The following TNR variants were observed in gnomAD, a reference collection of about 807,000 sequenced individuals.
TNR encodes tenascin-R.
TNR carries 45 observed loss-of-function variants against 150.4 expected under a neutral mutation model. The ratio of observed to expected loss-of-function variants is 0.30; its 90% confidence interval spans 0.24 to 0.38. The LOEUF (loss-of-function observed/expected upper bound fraction) is 0.38, where lower values mean the gene tolerates loss of function less well. TNR is among the 10% of genes least tolerant of loss of function. The pLI, the probability that TNR is intolerant of heterozygous loss-of-function variation, is 1.00. For missense variants in TNR, 1,544 were observed against 1,759.1 expected (o/e 0.88, Z 2.19); for synonymous variants, 687 against 678.4 (o/e 1.01, Z -0.20).
intron 1 of TNR, among the ~76,000 whole-genome samples, chr1:175,546,684 TGA>T (rs1018953012): frequency 6.6e-6 from 1 of 152,152 alleles, no homozygotes; most frequent in African/African-American, 2.4e-5. Flanking sequence ...GGACATGGTG[TGA>T]GTTGTCAGAT....
intron 9 of TNR, among the ~76,000 whole-genome samples, chr1:175,374,041 C>T (rs1394744983): frequency 3.9e-5 from 6 of 152,194 alleles, no homozygotes; most frequent in Admixed American, 3.9e-4. Flanking sequence ...GCCCGGGACC[C>T]CAGGCCCTGT....
In TNR at chr1:175,664,621, TC is replaced by T. The variant is rs1571729447; in HGVS notation, c.-165+78604del. ...TTCTATTTTCTATAATTGCAAAGCT[TC>T]CCTAGAACTGTGTGAACTTTTCCCA... On this transcript the variant is annotated intron_variant, in intron 1 of 22. Coordinates refer to ENST00000367674, the MANE Select transcript of TNR (RefSeq NM_003285.3). 2.6e-5 allele frequency among the ~76,000 whole-genome samples: 4 copies of T among 152,216 alleles called. No individual in the cohort carries two copies. The East Asian group carries it at 7.7e-4, about 29-fold the overall frequency.
At chr1:175,466,359 C>A (rs751830692) in intron 2 of TNR, among the ~76,000 whole-genome samples, 4 of 152,134 alleles carry the variant, frequency 2.6e-5, no homozygotes, top group Non-Finnish European at 4.4e-5. Context: ...AGGGAAGACC[C>A]CTTGTTCCCC....
At chr1:175,516,405 T>A (rs1342179661) in intron 2 of TNR, among the ~76,000 whole-genome samples, 1 of 152,194 alleles carries the variant, frequency 6.6e-6, no homozygotes, top group African/African-American at 2.4e-5. Flanking sequence ...AAAGTGGCAC[T>A]TCTCAAGTGG....
chr1:175,493,080 G>C (rs529833876), intron 2 of TNR, among the ~76,000 whole-genome samples: 3 of 152,022 alleles, frequency 2.0e-5, no homozygotes, highest in Non-Finnish European at 4.4e-5. Flanking sequence ...TGCTGTACCC[G>C]TCAGAAGGCA....
At chr1:175,624,826 G>C (rs1157249465) in intron 1 of TNR, among the ~76,000 whole-genome samples, 2 of 152,186 alleles carry the variant, frequency 1.3e-5, no homozygotes, top group African/African-American at 2.4e-5. Flanking sequence ...GGAGCAACGT[G>C]CAGAGAAGAT....
chr1:175,488,896 A>G (rs1276593649), intron 2 of TNR, among the ~76,000 whole-genome samples: 1 of 152,196 alleles, frequency 6.6e-6, no homozygotes, highest in Non-Finnish European at 1.5e-5. Flanking sequence ...AAAGGTCAGA[A>G]AGGATAGAAA....
chr1:175,345,033 G>T lies in TNR; in HGVS notation c.3383-7354C>A, dbSNP rs1043574545. On this transcript the variant is annotated intron_variant, in intron 18 of 22. Transcript: ENST00000367674. Reference sequence around the variant, plus strand: ...TGAGGCAGGAGAATCTCTTGAACCCGGGAGACGGAGGTTGCAGTGAGCCGA... The same window carrying T: ...TGAGGCAGGAGAATCTCTTGAACCCTGGAGACGGAGGTTGCAGTGAGCCGA... Among the ~76,000 whole-genome samples, 24 of 151,548 alleles carry T rather than the reference G, an allele frequency of 1.6e-4. 1 individual carries two copies. Among genetic ancestry groups the T allele is most frequent in the Admixed American group, 1.0e-3 (16 of 15,240 alleles).
chr1:175,530,717 ACTCT>A (rs979868040), intron 1 of TNR, among the ~76,000 whole-genome samples: 1 of 128,496 alleles, frequency 7.8e-6, no homozygotes, highest in Non-Finnish European at 1.7e-5. Flanking sequence ...TTTTTAGTGC[ACTCT>A]CTTTTTTTTT....
chr1:175,406,019 A>G (rs1653940034), intron 3 of TNR, among the ~76,000 whole-genome samples, 197 bp downstream of exon 3: 1 of 152,190 alleles, frequency 6.6e-6, no homozygotes, highest in African/African-American at 2.4e-5. Context: ...GAAGAACTGC[A>G]TTTAGATCTT....
At chr1:175,363,680 T>C (rs1275259345) in intron 13 of TNR, 28 bp downstream of exon 13, 1 of 1,609,574 alleles carries the variant, frequency 6.2e-7, no homozygotes, top group South Asian at 1.1e-5. Flanking sequence ...AATCCTAGTA[T>C]CTTTGAGAAA....
In TNR at chr1:175,386,096, C is replaced by T. The variant is rs1465329730; in HGVS notation, c.1713G>A (p.Glu571=). Reference sequence around the variant, plus strand: ...TCCCTCGGACGGCACTGACTGACACCTCGTATCGGGAGCCAGGCCGCAGGG... The same window carrying T: ...TCCCTCGGACGGCACTGACTGACACTTCGTATCGGGAGCCAGGCCGCAGGG... ...VQALRPGSRY[E]VSVSAVRGTN... is the part of the protein sequence containing the mutation. The change falls in exon 8 of 23, where the codon GAG becomes GAA. Residue 571 remains glutamate, a synonymous_variant. Coordinates refer to ENST00000367674, the MANE Select transcript of TNR (RefSeq NM_003285.3). The T allele has an allele frequency of 4.3e-6, 7 of 1,612,566 alleles. No individual in the cohort carries two copies. Among genetic ancestry groups the T allele is most frequent in the Non-Finnish European group, 5.9e-6 (7 of 1,178,828 alleles).
At position 175,386,015 on chromosome 1, in the gene TNR, C is replaced by A; in HGVS notation, c.1777+17G>T. On this transcript the variant is annotated intron_variant, in intron 8 of 22. Coordinates refer to ENST00000367674, the MANE Select transcript of TNR (RefSeq NM_003285.3). The stretch of plus-strand genomic sequence containing the variant: ...CTCTTTCCCTCCTTGTGCGTCTCTC[C>A]CCCACCGCAGCCTTACCTGTTGTGA... 6.5e-7 allele frequency: 1 copy of A among 1,548,814 alleles called. No homozygotes were observed. Among genetic ancestry groups the A allele is most frequent in the Non-Finnish European group, 8.7e-7 (1 of 1,143,640 alleles).
intron 1 of TNR, among the ~76,000 whole-genome samples, chr1:175,596,135 TG>T (rs1436026070): frequency 6.6e-6 from 1 of 152,232 alleles, no homozygotes; most frequent in Non-Finnish European, 1.5e-5. Flanking sequence ...ATCTTTGGTT[TG>T]GCTACACAAT....
chr1:175,344,363 G>T (rs1237494074), intron 18 of TNR, among the ~76,000 whole-genome samples: 6 of 152,188 alleles, frequency 3.9e-5, no homozygotes, highest in Non-Finnish European at 8.8e-5. Flanking sequence ...ACTTTAGGAA[G>T]TTGACACTAA....
intron 2 of TNR, among the ~76,000 whole-genome samples, chr1:175,420,917 G>A (rs1205990793): frequency 6.6e-6 from 1 of 152,118 alleles, no homozygotes; most frequent in African/African-American, 2.4e-5. Flanking sequence ...GAAAAATACA[G>A]TGACATTTAA....
intron 15 of TNR, among the ~76,000 whole-genome samples, chr1:175,359,146 T>TTTTTTTTTTTTTTTTTTTTTTTC (rs1651470834): frequency 8.6e-6 from 1 of 116,344 alleles, no homozygotes; most frequent in Non-Finnish European, 1.8e-5. Context: ...CTTCTTTTTT[T>TTTTTTTTTTTTTTTTTTTTTTTC]TTTTTTTTTT....
In TNR at chr1:175,679,555, T is replaced by G. The variant is rs114829420; in HGVS notation, c.-165+63671A>C. 4.4e-3 allele frequency among the ~76,000 whole-genome samples: 667 copies of G among 152,218 alleles called. 8 individuals carry two copies. Among genetic ancestry groups the G allele is most frequent in the African/African-American group, 0.014 (568 of 41,516 alleles). ...GATGCTATCTGCCTAGCCACAAAGA[T>G]TATATCACAGACCATTACCAGCAAG... On this transcript the variant is annotated intron_variant, in intron 1 of 22. Coordinates refer to ENST00000367674, the MANE Select transcript of TNR (RefSeq NM_003285.3).
At chr1:175,539,618 T>A (rs924916023) in intron 1 of TNR, among the ~76,000 whole-genome samples, 2 of 152,146 alleles carry the variant, frequency 1.3e-5, no homozygotes, top group African/African-American at 4.8e-5. Flanking sequence ...ACACAGACCC[T>A]CTCCCATTTG....
Sources: gnomAD v4.1 joint callset for allele counts (sites outside exome capture counted in the v4.1 genomes callset) on GRCh38, gnomAD v4.1.1 for gene constraint, MANE v1.5 for transcripts, NCBI Gene and HGNC (gene_info 2026-07-23, HGNC 2026-07-21) for gene names.